The following ZC3H14 variants were observed in gnomAD, a reference collection of about 807,000 sequenced individuals.
The protein encoded by ZC3H14 is zinc finger CCCH-type containing 14.
ZC3H14 carries 31 observed loss-of-function variants against 92.4 expected under a neutral mutation model. That is an observed-to-expected ratio of 0.34 (90% confidence interval 0.25 to 0.45). ZC3H14 has a LOEUF of 0.45. Among genes scored for constraint, ZC3H14 ranks in the 20% least tolerant of loss-of-function variants. The probability of loss-of-function intolerance (pLI) is 1.00; values close to 1 mark genes in which losing one functional copy is unlikely to be tolerated. For synonymous variants in ZC3H14, 321 were observed against 300.9 expected, an observed-to-expected ratio of 1.07 and a Z score of -0.69; for missense variants, 781 against 897.3, an observed-to-expected ratio of 0.87 and a Z score of 1.66.
Position 88,622,384 on chromosome 14 carries a change from G to T in ZC3H14, c.*10633G>T. 1 of 386,356 alleles carries T rather than the reference G, an allele frequency of 2.6e-6. No homozygotes were observed. The highest frequency in any genetic ancestry group is 4.6e-6 in the Non-Finnish European group (1 of 218,186). 23.9% of individuals were successfully genotyped at this position (386,356 alleles called of 1,614,324 possible). A position where few individuals can be genotyped will look rare whatever the true frequency, so the allele number is the denominator to read the frequency against. On this transcript the variant is annotated 3_prime_UTR_variant, in exon 17 of 17. Coordinates refer to ENST00000251038, the MANE Select transcript of ZC3H14 (RefSeq NM_024824.5). ...TTGGCAGATTCTAGAAAATATTGGAGGTTTACATACAGTATTTAGACAGAA... is the reference window on the plus strand; with the variant it reads ...TTGGCAGATTCTAGAAAATATTGGATGTTTACATACAGTATTTAGACAGAA...
chr14:88,574,815 C>T lies in ZC3H14; in HGVS notation c.984C>T (p.Ile328=). The T allele has an allele frequency of 2.5e-6, 4 of 1,614,236 alleles. No homozygotes were observed. Among genetic ancestry groups the T allele is most frequent in the Non-Finnish European group, 3.4e-6 (4 of 1,180,040 alleles). The part of the protein sequence containing the change: ...DDDYGSRTGS[I]SSSVSVPAKP... ...ATTACGGGTCTCGAACAGGAAGCAT[C>T]TCCAGCAGTGTGTCTGTGCCTGCAA... Residue 328 remains isoleucine, a synonymous_variant, in exon 7 of 17, where the codon ATC becomes ATT. Transcript: ENST00000251038.
intron 10 of ZC3H14, among the ~76,000 whole-genome samples, chr14:88,600,292 ACAG>A (rs2084424867): frequency 1.3e-5 from 2 of 152,222 alleles, no homozygotes; most frequent in Admixed American, 6.5e-5. Context: ...ACCAGGACAG[ACAG>A]CAGAGAATCT....
At chr14:88,577,879 T>C in intron 8 of ZC3H14, 106 bp from the exon 9 acceptor site, 8 of 1,459,722 alleles carry the variant, frequency 5.5e-6, no homozygotes, top group South Asian at 4.6e-5. Context: ...TGAACTCATA[T>C]GTCCTAAACC....
At chr14:88,606,279 A>T (rs982194938) in intron 12 of ZC3H14, among the ~76,000 whole-genome samples, 2 of 152,176 alleles carry the variant, frequency 1.3e-5, no homozygotes, top group African/African-American at 4.8e-5. Flanking sequence ...TGTCATAGTA[A>T]TCGAAGCTGT....
At chr14:88,610,745 A>C (rs2086525439) in intron 15 of ZC3H14, 89 bp from the exon 16 acceptor site, 1 of 1,306,248 alleles carries the variant, frequency 7.7e-7, no homozygotes, top group African/African-American at 1.5e-5. Flanking sequence ...CCTGGGTGAC[A>C]GAGTGAGACC....
In ZC3H14 at chr14:88,572,678, C is replaced by T. The variant is rs1281519249; in HGVS notation, c.532C>T (p.Pro178Ser). The T allele has an allele frequency of 3.1e-6, 5 of 1,614,066 alleles. No homozygotes were observed. The African/African-American group carries it at 4.0e-5, about 13-fold the overall frequency. Reference sequence around the variant, plus strand: ...AGATGTGATTGATATTAAGCCAGAACCAGATGATCTCATTGACGAAGACCT... The same window carrying T: ...AGATGTGATTGATATTAAGCCAGAATCAGATGATCTCATTGACGAAGACCT... ...SEDVIDIKPE[P>S]DDLIDEDLNF... The change falls in exon 6 of 17, where the codon CCA (proline) becomes TCA (serine). Residue 178 changes from proline (P) to serine (S), a missense_variant. Physicochemically the swap from Pro to Ser is moderately conservative, Grantham distance 74. Coordinates refer to ENST00000251038, the MANE Select transcript of ZC3H14 (RefSeq NM_024824.5).
chr14:88,622,799 C>A lies in ZC3H14; in HGVS notation c.*11048C>A. On this transcript the variant is annotated 3_prime_UTR_variant, in exon 17 of 17. Transcript: ENST00000251038. ...TTATAAACAAATACCAAGTTATAAGCAGAATCTTTTTTTTTTAAAAAGGCC... is the reference window on the plus strand; with the variant it reads ...TTATAAACAAATACCAAGTTATAAGAAGAATCTTTTTTTTTTAAAAAGGCC... 2 of 890,044 alleles carry A rather than the reference C, an allele frequency of 2.2e-6. No homozygotes were observed. Among genetic ancestry groups the A allele is most frequent in the South Asian group, 2.9e-5 (1 of 33,986 alleles). 55.1% of individuals were successfully genotyped at this position (890,044 alleles called of 1,614,324 possible).
rs2090058181 is a variant in ZC3H14, at chr14:88,627,274, C to G, written c.*15523C>G. 1.8e-6 allele frequency: 1 copy of G among 558,674 alleles called. No individual in the cohort carries two copies. The highest frequency in any genetic ancestry group is 3.0e-5 in the East Asian group (1 of 33,590). 34.6% of individuals were successfully genotyped at this position (558,674 alleles called of 1,614,324 possible). A position where few individuals can be genotyped will look rare whatever the true frequency, so the allele number is the denominator to read the frequency against. ...TCTTTATATAACGTAAATGTTTTGT[C>G]TAAAGTGTGGTAGGTAATATTATCC... On this transcript the variant is annotated 3_prime_UTR_variant, in exon 17 of 17. Coordinates refer to ENST00000251038, the MANE Select transcript of ZC3H14 (RefSeq NM_024824.5).
chr14:88,591,143 A>G (rs896402055), intron 9 of ZC3H14: 61 of 152,280 alleles, frequency 4.0e-4, no homozygotes, highest in African/African-American at 1.5e-3. Context: ...ATTAGAAAAC[A>G]TAAGAATAGA....
At chr14:88,608,187 C>T (rs1379571811) in intron 13 of ZC3H14, 7 of 427,040 alleles carry the variant, frequency 1.6e-5, no homozygotes, top group Non-Finnish European at 3.2e-5. Context: ...CCCATCTCAC[C>T]CTGCAAGTAC....
chr14:88,604,445 C>T (rs993516789), intron 12 of ZC3H14, among the ~76,000 whole-genome samples: 1 of 152,046 alleles, frequency 6.6e-6, no homozygotes, highest in African/African-American at 2.4e-5. Context: ...TGCACCACTT[C>T]CCCTGTGAGC....
At chr14:88,580,465 G>A (rs560242224) in intron 9 of ZC3H14, among the ~76,000 whole-genome samples, 1 of 152,256 alleles carries the variant, frequency 6.6e-6, no homozygotes, top group East Asian at 1.9e-4. Flanking sequence ...AAACCTTATG[G>A]CTACAGAAAA....
At chr14:88,578,745 T>C (rs939118127) in intron 9 of ZC3H14, among the ~76,000 whole-genome samples, 1 of 146,914 alleles carries the variant, frequency 6.8e-6, no homozygotes, top group Non-Finnish European at 1.5e-5. Flanking sequence ...CCCTAATTTA[T>C]CCCCTCGTGC....
rs764505019 is a variant in ZC3H14, at chr14:88,621,405, G to T, written c.*9654G>T. 3 of 1,384,556 alleles carry T rather than the reference G, an allele frequency of 2.2e-6. No homozygotes were observed. Among genetic ancestry groups the T allele is most frequent in the East Asian group, 2.3e-5 (1 of 43,666 alleles). The allele number at this position is 1,384,556 out of a possible 1,614,324, so 85.8% of individuals were successfully genotyped here. On this transcript the variant is annotated 3_prime_UTR_variant, in exon 17 of 17. Coordinates refer to ENST00000251038, the MANE Select transcript of ZC3H14 (RefSeq NM_024824.5). ...TTGACCTGCTTTCAGAGAACTTTTT[G>T]CTTTGAGCTAATCTAGTAGCAAGGC...
At chr14:88,598,372 C>T (rs2084149149) in intron 10 of ZC3H14, among the ~76,000 whole-genome samples, 2 of 152,104 alleles carry the variant, frequency 1.3e-5, no homozygotes, top group Non-Finnish European at 2.9e-5. Flanking sequence ...CAAGTAATAG[C>T]CTGGTAGTCA....
chr14:88,607,538 TCCCATTTCACCCTGCAAGTACCATCC>T (rs2085645581), intron 13 of ZC3H14, among the ~76,000 whole-genome samples, 175 bp downstream of exon 13: 1 of 124,906 alleles, frequency 8.0e-6, no homozygotes, highest in East Asian at 2.7e-4. Flanking sequence ...GCAAGTACCA[TCCCATTTCACCCTGCAAGTACCATCC>T]CCCATCTCAC....
chr14:88,596,614 G>T, intron 9 of ZC3H14, 120 bp from the exon 10 acceptor site: 1 of 820,650 alleles, frequency 1.2e-6, no homozygotes, highest in Non-Finnish European at 2.1e-6. Context: ...TTGAATTGTT[G>T]AAGCTTTAAG....
chr14:88,603,646 A>G (rs752527043), intron 12 of ZC3H14, among the ~76,000 whole-genome samples: 1 of 152,142 alleles, frequency 6.6e-6, no homozygotes, highest in Non-Finnish European at 1.5e-5. Context: ...GGTAGCTGCA[A>G]CGCCACTGAT....
At position 88,614,673 on chromosome 14, in the gene ZC3H14, G is replaced by C. The variant is rs528316681; in HGVS notation, c.*2922G>C. Reference sequence around the variant, plus strand: ...TCTTCAGGAAACTACAGATAGGCTAGACAGCGAATTCCTGAATGATGAGTA... The same window carrying C: ...TCTTCAGGAAACTACAGATAGGCTACACAGCGAATTCCTGAATGATGAGTA... On this transcript the variant is annotated 3_prime_UTR_variant, in exon 17 of 17. Coordinates refer to ENST00000251038, the MANE Select transcript of ZC3H14 (RefSeq NM_024824.5). The C allele has an allele frequency of 6.6e-6, 1 of 152,304 alleles. No individual in the cohort carries two copies. Among genetic ancestry groups the C allele is most frequent in the South Asian group, 2.1e-4 (1 of 4,828 alleles). The allele number at this position is 152,304 out of a possible 1,614,324, so 9.4% of individuals were successfully genotyped here.
Sources: allele counts gnomAD v4.1 joint callset (sites outside exome capture counted in the v4.1 genomes callset), GRCh38; gene constraint gnomAD v4.1.1; transcripts MANE v1.5; gene names NCBI Gene and HGNC (gene_info 2026-07-23, HGNC 2026-07-21).